TESK2: variants seen among roughly 807,000 people sequenced by gnomAD.
TESK2 encodes the protein testis associated actin remodelling kinase 2.
TESK2 carries 39 observed loss-of-function variants against 57.1 expected under a neutral mutation model. The observed-to-expected ratio is 0.68, with a 90% CI of 0.53 to 0.89. The LOEUF (loss-of-function observed/expected upper bound fraction) is 0.89. TESK2 is among the 40% of genes least tolerant of loss of function. TESK2 has a pLI of 0.00. For synonymous variants in TESK2, 249 were observed against 267.9 expected, an observed-to-expected ratio of 0.93 and a Z score of 0.69; for missense variants, 646 against 732.1, an observed-to-expected ratio of 0.88 and a Z score of 1.36.
chr1:45,384,323 CTATGTATGTATG>C (rs145216387), intron 4 of TESK2, among the ~76,000 whole-genome samples: 7,865 of 150,362 alleles, frequency 0.052, 233 homozygotes, highest in Non-Finnish European at 0.072. Context: ...GGGTCTCACT[CTATGTATGTATG>C]TATGTATGTA....
At chr1:45,379,854 T>C (rs1404135729) in intron 4 of TESK2, among the ~76,000 whole-genome samples, 1 of 152,220 alleles carries the variant, frequency 6.6e-6, no homozygotes, top group African/African-American at 2.4e-5. Flanking sequence ...TGAGTGGTTC[T>C]CATCGCCACA....
chr1:45,472,514 C>T (rs1390000301), intron 1 of TESK2, among the ~76,000 whole-genome samples: 1 of 146,380 alleles, frequency 6.8e-6, no homozygotes, highest in African/African-American at 2.5e-5. Context: ...ACCAAGATTG[C>T]GCCATTGCAC....
intron 2 of TESK2, among the ~76,000 whole-genome samples, chr1:45,454,903 AATATT>A (rs1223080505): frequency 1.5e-4 from 23 of 152,242 alleles, no homozygotes; most frequent in African/African-American, 5.3e-4. Context: ...CAAATGGATA[AATATT>A]ATATTAACCC....
At chr1:45,436,799 C>CTTT (rs35797939) in intron 2 of TESK2, among the ~76,000 whole-genome samples, 3 of 123,102 alleles carry the variant, frequency 2.4e-5, no homozygotes, top group African/African-American at 6.2e-5. Flanking sequence ...ACATTAGTAT[C>CTTT]TTTTTTTTTT....
chr1:45,477,448 C>T (rs1458940821), intron 1 of TESK2, among the ~76,000 whole-genome samples: 1 of 151,958 alleles, frequency 6.6e-6, no homozygotes, highest in Non-Finnish European at 1.5e-5. Context: ...CATGGCTAAA[C>T]CCCGTCTCTA....
At position 45,385,883 on chromosome 1, in the gene TESK2, C is replaced by T. The variant is rs367993480; in HGVS notation, c.393+29G>A. The T allele has an allele frequency of 7.6e-5, 118 of 1,553,362 alleles. No individual in the cohort carries two copies. The African/African-American group carries it at 1.4e-3, about 18-fold the overall frequency. ...ATAAATGCTGAAACTAAGGCAAATA[C>T]GTTACTTCAACACTTACTGATGTCT... On this transcript the variant is annotated intron_variant, in intron 4 of 10. Coordinates refer to ENST00000372086, the MANE Select transcript of TESK2 (RefSeq NM_007170.3).
intron 1 of TESK2, among the ~76,000 whole-genome samples, chr1:45,490,096 T>C (rs560705502): frequency 1.3e-5 from 2 of 152,304 alleles, no homozygotes; most frequent in East Asian, 3.9e-4. Context: ...GCCTCCACGG[T>C]CTTCACTTTC....
chr1:45,415,766 G>C (rs527641771), intron 3 of TESK2, among the ~76,000 whole-genome samples: 1 of 152,092 alleles, frequency 6.6e-6, no homozygotes, highest in East Asian at 1.9e-4. Flanking sequence ...GAAAACTAAG[G>C]CTTAGAGAGG....
intron 1 of TESK2, among the ~76,000 whole-genome samples, chr1:45,460,259 A>T (rs12119202): frequency 0.53 from 79,936 of 151,908 alleles, 21,468 homozygotes; most frequent in African/African-American, 0.63. Context: ...CTCACGCCTG[A>T]AAAATCCCAG....
At chr1:45,432,813 G>C (rs1376340762) in intron 2 of TESK2, among the ~76,000 whole-genome samples, 2 of 134,542 alleles carry the variant, frequency 1.5e-5, no homozygotes, top group Non-Finnish European at 3.1e-5. Flanking sequence ...ACCCAGGCTG[G>C]AGTGCAGTGG....
chr1:45,416,588 C>A (rs1650252056), intron 3 of TESK2, among the ~76,000 whole-genome samples: 1 of 152,054 alleles, frequency 6.6e-6, no homozygotes, highest in South Asian at 2.1e-4. Flanking sequence ...TACTCCTATT[C>A]CTGGATCATA....
At chr1:45,375,906 A>T (rs76439641) in intron 4 of TESK2, among the ~76,000 whole-genome samples, 1 of 152,322 alleles carries the variant, frequency 6.6e-6, no homozygotes, top group East Asian at 1.9e-4. Flanking sequence ...AGTCAGAGAA[A>T]AACTGTTTTA....
intron 3 of TESK2, among the ~76,000 whole-genome samples, chr1:45,409,529 T>C (rs893471474): frequency 6.6e-6 from 1 of 152,186 alleles, no homozygotes; most frequent in African/African-American, 2.4e-5. Flanking sequence ...GACAAAAAGC[T>C]GTATTAGGAA....
intron 5 of TESK2, among the ~76,000 whole-genome samples, chr1:45,353,013 C>A (rs777634491): frequency 7.2e-5 from 11 of 152,148 alleles, no homozygotes; most frequent in Non-Finnish European, 1.5e-4. Context: ...ATTCTCCCAT[C>A]TCAGCCTCCC....
intron 3 of TESK2, 67 bp from the exon 4 acceptor site, chr1:45,386,027 C>G: frequency 7.7e-7 from 1 of 1,300,974 alleles, no homozygotes; most frequent in Non-Finnish European, 1.1e-6. Context: ...ATAGAGAAAT[C>G]AGGTTAGTTA....
rs140428599 is a variant in TESK2 at position 45,381,143 on chromosome 1, G to A, written c.393+4769C>T. 4.5e-3 allele frequency among the ~76,000 whole-genome samples: 692 copies of A among 152,280 alleles called. 3 individuals carry two copies. The highest frequency in any genetic ancestry group is 0.016 in the African/African-American group (667 of 41,558). On this transcript the variant is annotated intron_variant, in intron 4 of 10. Transcript: ENST00000372086. ...AACCATAGCATTCTGCCCATAGTGG[G>A]AGTTTAAATAACTAATAGTTGTTAT...
At chr1:45,464,275 A>C (rs1009332859) in intron 1 of TESK2, among the ~76,000 whole-genome samples, 1 of 152,082 alleles carries the variant, frequency 6.6e-6, no homozygotes, top group African/African-American at 2.4e-5. Context: ...AAAATACAAA[A>C]ATTAGCCAGG....
intron 4 of TESK2, among the ~76,000 whole-genome samples, chr1:45,375,547 T>C (rs555452332): frequency 6.6e-6 from 1 of 151,674 alleles, no homozygotes; most frequent in East Asian, 1.9e-4. Flanking sequence ...ACATCACATA[T>C]ATTACAATTT....
At chr1:45,442,610 A>G (rs1651488679) in intron 2 of TESK2, among the ~76,000 whole-genome samples, 2 of 152,226 alleles carry the variant, frequency 1.3e-5, no homozygotes, top group African/African-American at 2.4e-5. Context: ...AACATTAAAC[A>G]GGTTGTCGGC....
Sources: allele counts gnomAD v4.1 joint callset (sites outside exome capture counted in the v4.1 genomes callset), GRCh38; gene constraint gnomAD v4.1.1; transcripts MANE v1.5; gene names NCBI Gene and HGNC (gene_info 2026-07-23, HGNC 2026-07-21).